Variants in CBFB observed in about 807,000 individuals in gnomAD.
CBFB encodes the protein CBF-beta.
Under a neutral mutation model 30.4 loss-of-function variants are expected in CBFB, and 9 were observed. That is an observed-to-expected ratio of 0.30 (90% CI 0.18 to 0.52). CBFB has a LOEUF of 0.52. Among genes scored for constraint, CBFB ranks in the 20% least tolerant of loss-of-function variants. CBFB has a pLI of 0.97. For missense variants in CBFB, 170 were observed against 244.0 expected (o/e 0.70, Z 2.02); for synonymous variants, 94 against 84.0 (o/e 1.12, Z -0.65).
intron 5 of CBFB, among the ~76,000 whole-genome samples, chr16:67,085,885 AG>A (rs1460148838): frequency 2.0e-5 from 3 of 151,614 alleles, no homozygotes; most frequent in African/African-American, 7.3e-5. Flanking sequence ...TCACCGTGTT[AG>A]CCAGGATGGT....
At chr16:67,081,457 T>C (rs1961551798) in intron 4 of CBFB, among the ~76,000 whole-genome samples, 1 of 151,420 alleles carries the variant, frequency 6.6e-6, no homozygotes, top group African/African-American at 2.4e-5. Flanking sequence ...AAATCTGACT[T>C]TTTTTTTAAT....
chr16:67,082,129 G>GAA (rs36017652), intron 4 of CBFB, 84 bp from the exon 5 acceptor site: 15,086 of 848,354 alleles, frequency 0.018, no homozygotes, highest in South Asian at 0.023. Context: ...ACTGTTTCAG[G>GAA]AAAAAAAAAA....
chr16:67,084,588 A>C (rs914175706), intron 5 of CBFB, among the ~76,000 whole-genome samples: 1 of 152,210 alleles, frequency 6.6e-6, no homozygotes, highest in Non-Finnish European at 1.5e-5. Context: ...GAATGTACTT[A>C]ACACTACTGA....
At position 67,042,738 on chromosome 16, in the gene CBFB, T is replaced by A. The variant is rs542691520; in HGVS notation, c.282+5983T>A. 6.6e-5 allele frequency among the ~76,000 whole-genome samples: 10 copies of A among 151,856 alleles called. No homozygotes were observed. In the South Asian group the frequency reaches 2.1e-3, roughly 32 times the overall value. On this transcript the variant is annotated intron_variant, in intron 3 of 5. Coordinates refer to ENST00000412916, the MANE Select transcript of CBFB (RefSeq NM_022845.3). ...AGAGTGAAGCCACCATGCCTTTTAT[T>A]TATTTATTTATTTATTTGAGACGGG...
At position 67,074,980 on chromosome 16, in the gene CBFB, G is replaced by A. The variant is rs144220835; in HGVS notation, c.400-7233G>A. ...GGCCAAGGTGGGCAGATCACTTGAG[G>A]CCAGGAGTTGGAGACCAGCCTGGTA... is the stretch of plus-strand genomic sequence containing the variant. On this transcript the variant is annotated intron_variant, in intron 4 of 5. Transcript: ENST00000412916. Among the ~76,000 whole-genome samples the A allele has an allele frequency of 5.2e-3, 796 of 152,168 alleles. 23 individuals are homozygous for A. Among genetic ancestry groups the A allele is most frequent in the East Asian group, 0.01 (52 of 5,160 alleles).
intron 3 of CBFB, among the ~76,000 whole-genome samples, chr16:67,046,456 A>T (rs1158404500): frequency 1.3e-5 from 2 of 152,102 alleles, no homozygotes; most frequent in African/African-American, 4.8e-5. Flanking sequence ...TGTTGTCTGA[A>T]GATGTTAATT....
intron 5 of CBFB, among the ~76,000 whole-genome samples, chr16:67,085,826 C>T (rs1823436224): frequency 6.6e-6 from 1 of 151,862 alleles, no homozygotes; most frequent in Admixed American, 6.6e-5. Flanking sequence ...CACAGGCGCC[C>T]GCCACCATGC....
chr16:67,079,160 T>G (rs1479828712), intron 4 of CBFB, among the ~76,000 whole-genome samples: 1 of 152,206 alleles, frequency 6.6e-6, no homozygotes, highest in Admixed American at 6.6e-5. Flanking sequence ...ATAATAGCAT[T>G]TATTGAATGC....
At chr16:67,065,738 G>A (rs551813143) in intron 3 of CBFB, among the ~76,000 whole-genome samples, 4 of 152,064 alleles carry the variant, frequency 2.6e-5, no homozygotes, top group Non-Finnish European at 4.4e-5. Flanking sequence ...GTTGAAATAA[G>A]TAGATTTTGG....
At chr16:67,082,115 G>A (rs1269314982) in intron 4 of CBFB, 98 bp from the exon 5 acceptor site, 15 of 991,998 alleles carry the variant, frequency 1.5e-5, no homozygotes, top group African/African-American at 3.4e-5. Context: ...CACTGCGCCC[G>A]GCCACTGTTT....
At chr16:67,037,501 C>T (rs1567604381) in intron 3 of CBFB, among the ~76,000 whole-genome samples, 1 of 151,880 alleles carries the variant, frequency 6.6e-6, no homozygotes, top group African/African-American at 2.4e-5. Flanking sequence ...AATGTGAAAA[C>T]TTTAACTTGG....
intron 5 of CBFB, among the ~76,000 whole-genome samples, chr16:67,096,046 C>T (rs1043460199): frequency 1.1e-4 from 16 of 151,744 alleles, no homozygotes; most frequent in African/African-American, 2.9e-4. Flanking sequence ...TGGTGGCTCA[C>T]GCCTGTAATC....
chr16:67,089,162 TGAA>T (rs1323285335), intron 5 of CBFB, among the ~76,000 whole-genome samples: 5 of 152,210 alleles, frequency 3.3e-5, no homozygotes, highest in Non-Finnish European at 4.4e-5. Flanking sequence ...TATAGTGAAA[TGAA>T]GAAGCATTGT....
At chr16:67,052,959 A>G (rs1960599066) in intron 3 of CBFB, among the ~76,000 whole-genome samples, 1 of 151,300 alleles carries the variant, frequency 6.6e-6, no homozygotes, top group Non-Finnish European at 1.5e-5. Context: ...AGTCCTGGAA[A>G]TCAAGGCTGC....
At chr16:67,075,587 A>G (rs766364197) in intron 4 of CBFB, among the ~76,000 whole-genome samples, 11 of 152,136 alleles carry the variant, frequency 7.2e-5, no homozygotes, top group South Asian at 4.1e-4. Context: ...TACACACACT[A>G]TGATCTAGCA....
intron 3 of CBFB, among the ~76,000 whole-genome samples, chr16:67,063,468 G>A (rs1327471224): frequency 6.6e-6 from 1 of 151,268 alleles, no homozygotes; most frequent in African/African-American, 2.5e-5. Flanking sequence ...TTGAGACAGA[G>A]TCTTGCTCAG....
At chr16:67,066,283 C>CA (rs1961050185) in intron 3 of CBFB, among the ~76,000 whole-genome samples, 1 of 151,414 alleles carries the variant, frequency 6.6e-6, no homozygotes, top group African/African-American at 2.4e-5. Flanking sequence ...CATGGTAGCT[C>CA]ACGCCTGTAA....
Position 67,098,912 on chromosome 16 carries a change from A to G in CBFB, c.*134A>G. On this transcript the variant is annotated 3_prime_UTR_variant, in exon 6 of 6. Transcript: ENST00000412916. The stretch of plus-strand genomic sequence containing the variant: ...GTCTATTTCTCAACCTTAGGCAGTA[A>G]TAGACATCACAAACTGCCATGGTTT... 1.7e-6 allele frequency: 1 copy of G among 604,352 alleles called. No homozygotes were observed. The highest frequency in any genetic ancestry group is 3.0e-6 in the Non-Finnish European group (1 of 334,916). 37.4% of individuals were successfully genotyped at this position (604,352 alleles called of 1,614,324 possible). A position where few individuals can be genotyped will look rare whatever the true frequency, so the allele number is the denominator to read the frequency against.
chr16:67,078,692 A>G (rs1961473000), intron 4 of CBFB, among the ~76,000 whole-genome samples: 1 of 152,192 alleles, frequency 6.6e-6, no homozygotes, highest in Non-Finnish European at 1.5e-5. Flanking sequence ...CTTGTTGCCC[A>G]GGCTGGAGTG....
Sources: allele counts gnomAD v4.1 joint callset (sites outside exome capture counted in the v4.1 genomes callset), GRCh38; gene constraint gnomAD v4.1.1; transcripts MANE v1.5; gene names NCBI Gene and HGNC (gene_info 2026-07-23, HGNC 2026-07-21).